Variants in CCAR1 observed in about 807,000 individuals in gnomAD.
The protein encoded by CCAR1 is cell division cycle and apoptosis regulator protein 1.
CCAR1 carries 78 observed loss-of-function variants against 163.8 expected under a neutral mutation model. The ratio of observed to expected loss-of-function variants is 0.48; its 90% CI spans 0.40 to 0.57. The LOEUF (loss-of-function observed/expected upper bound fraction) is 0.57, where lower values mean the gene tolerates loss of function less well. Ranked by LOEUF, CCAR1 falls within the 20% of genes least tolerant of loss-of-function variation. CCAR1 has a pLI of 0.00. For missense variants in CCAR1, 1,019 were observed against 1,365.2 expected (o/e 0.75, Z 4.00); for synonymous variants, 443 against 460.7 (o/e 0.96, Z 0.49).
At chr10:68,754,658 C>T in intron 11 of CCAR1, 56 bp from the exon 12 acceptor site, 2 of 864,148 alleles carry the variant, frequency 2.3e-6, no homozygotes, top group South Asian at 3.0e-5. Flanking sequence ...TAGTGCTTCT[C>T]ATTTTTTCAC....
Position 68,788,294 on chromosome 10 carries a change from A to G in CCAR1, c.3153A>G (p.Val1051=), listed in dbSNP as rs933920538. ...LEKSEKVRAE[V]EQKLQLLEEK... ...AGAGCGAAAAAGTAAGAGCTGAGGTAGAACAGAAGCTGCAGTTACTAGAAG... is the reference window on the plus strand; with the variant it reads ...AGAGCGAAAAAGTAAGAGCTGAGGTGGAACAGAAGCTGCAGTTACTAGAAG... The change falls in exon 23 of 25, where the codon GTA becomes GTG. Residue 1051 remains valine, a synonymous_variant. Transcript: ENST00000265872. 6 of 1,579,526 alleles carry G rather than the reference A, an allele frequency of 3.8e-6. No homozygotes were observed. The African/African-American group carries it at 5.5e-5, about 14-fold the overall frequency.
chr10:68,723,988 GTC>G lies in CCAR1; in HGVS notation c.73+1415_73+1416del, dbSNP rs560627335. On this transcript the variant is annotated intron_variant, in intron 2 of 24. Transcript: ENST00000265872. ...AGCCTGACCAACATGGAGAAACCCTGTCTCTACTAAAAATACAAAACTGGCTG... is the reference window on the plus strand; with the variant it reads ...AGCCTGACCAACATGGAGAAACCCTGTCTACTAAAAATACAAAACTGGCTG... 5.8e-4 allele frequency among the ~76,000 whole-genome samples: 88 copies of G among 151,398 alleles called. 1 individual carries two copies. The East Asian group carries it at 0.016, about 27-fold the overall frequency.
At chr10:68,732,887 C>T (rs193230443) in intron 2 of CCAR1, among the ~76,000 whole-genome samples, 10 of 152,160 alleles carry the variant, frequency 6.6e-5, no homozygotes, top group African/African-American at 2.2e-4. Flanking sequence ...ATTGCACCAC[C>T]GCATTCCAGC....
chr10:68,721,531 C>G (rs985198516), intron 1 of CCAR1: 46 of 446,344 alleles, frequency 1.0e-4, no homozygotes, highest in Non-Finnish European at 1.8e-4. Context: ...GCCCCTCAGC[C>G]TCGGCATGGC....
At position 68,756,122 on chromosome 10, in the gene CCAR1, GA is replaced by G; in HGVS notation, c.1626-150del. On this transcript the variant is annotated intron_variant, in intron 13 of 24. Transcript: ENST00000265872. This position sits in a 1 kb window ranked among gnomAD's most constrained non-coding sequence, Gnocchi z 5.1. ...TAAATATTGTACAAATGTACCAAAA[GA>G]GGAACTATGGCTTCTATAATTTTTT... 1.7e-6 allele frequency: 1 copy of G among 602,622 alleles called. No individual in the cohort carries two copies. Among genetic ancestry groups the G allele is most frequent in the Non-Finnish European group, 3.0e-6 (1 of 338,582 alleles). The allele number at this position is 602,622 out of a possible 1,614,324, so 37.3% of individuals were successfully genotyped here.
intron 3 of CCAR1, among the ~76,000 whole-genome samples, chr10:68,737,423 G>A (rs1164293302): frequency 6.6e-6 from 1 of 150,498 alleles, no homozygotes; most frequent in Non-Finnish European, 1.5e-5. Context: ...GATTGCTTGA[G>A]CATTGGGAGG....
intron 19 of CCAR1, among the ~76,000 whole-genome samples, chr10:68,784,388 G>A (rs2056771871): frequency 6.6e-6 from 1 of 151,794 alleles, no homozygotes; most frequent in African/African-American, 2.4e-5. Context: ...ACTTATTTTT[G>A]TGTTTTTAGA....
chr10:68,728,462 A>G (rs1462619151), intron 2 of CCAR1, among the ~76,000 whole-genome samples: 4 of 152,120 alleles, frequency 2.6e-5, no homozygotes, highest in South Asian at 4.2e-4. Context: ...CACTCAGCCT[A>G]TGAATGGTGT....
chr10:68,758,519 TGTG>T (rs2056423912), intron 15 of CCAR1, among the ~76,000 whole-genome samples: 2 of 149,846 alleles, frequency 1.3e-5, no homozygotes, highest in Non-Finnish European at 3.0e-5. Context: ...TGTGTGTGTG[TGTG>T]TGTGTGTGTG....
Position 68,737,843 on chromosome 10 carries a change from A to G in CCAR1, c.247-2A>G. On this transcript the variant is annotated splice_acceptor_variant, in intron 3 of 24. Transcript: ENST00000265872. LOFTEE classifies it high-confidence loss of function. ...TTGAAAAATTTTTTTTTAATCTTTCAGCAATATTCACAACCTCAGCAGGCC... is the reference window on the plus strand; with the variant it reads ...TTGAAAAATTTTTTTTTAATCTTTCGGCAATATTCACAACCTCAGCAGGCC... The G allele has an allele frequency of 6.3e-7, 1 of 1,581,812 alleles. No individual in the cohort carries two copies. The highest frequency in any genetic ancestry group is 8.6e-7 in the Non-Finnish European group (1 of 1,166,366).
chr10:68,771,248 G>A lies in CCAR1; in HGVS notation c.2341G>A (p.Asp781Asn). ...ACTTTTCAACGAAATGCTTCAAAGA[G>A]ATTTTGGTGTCCGTATATACAAATC... ...AELFNEMLQR[D>N]FGVRIYKSLL... is the part of the protein sequence containing the mutation. The change falls in exon 18 of 25, where the codon GAT becomes AAT. Residue 781 changes from aspartate (D) to asparagine (N), a missense_variant. Asp to Asn is a conservative substitution (Grantham distance 23). Coordinates refer to ENST00000265872, the MANE Select transcript of CCAR1 (RefSeq NM_018237.4). The A allele has an allele frequency of 6.3e-7, 1 of 1,596,834 alleles. No individual in the cohort carries two copies. The highest frequency in any genetic ancestry group is 8.5e-7 in the Non-Finnish European group (1 of 1,175,328).
intron 21 of CCAR1, among the ~76,000 whole-genome samples, chr10:68,787,428 T>C (rs993968173): frequency 3.3e-5 from 5 of 152,222 alleles, no homozygotes; most frequent in Non-Finnish European, 7.3e-5. Flanking sequence ...CCAACTATGC[T>C]GTAATAAATC....
At chr10:68,786,519 A>G (rs373457341) in intron 20 of CCAR1, 27 bp from the exon 21 acceptor site, 33 of 1,522,260 alleles carry the variant, frequency 2.2e-5, no homozygotes, top group Non-Finnish European at 1.9e-5. Context: ...TTTGAATACT[A>G]TGTTTTCTAC....
At chr10:68,781,708 G>C (rs751841119) in intron 19 of CCAR1, among the ~76,000 whole-genome samples, 5 of 151,956 alleles carry the variant, frequency 3.3e-5, no homozygotes, top group Admixed American at 1.3e-4. Context: ...AAATAAAATT[G>C]GTGTGGTTAC....
intron 2 of CCAR1, among the ~76,000 whole-genome samples, chr10:68,725,103 T>C (rs927981592): frequency 6.6e-6 from 1 of 152,006 alleles, no homozygotes; most frequent in Non-Finnish European, 1.5e-5. Context: ...GATTGCGCCA[T>C]TGCGCTCTAG....
At chr10:68,769,732 G>A (rs1259167881) in intron 17 of CCAR1, among the ~76,000 whole-genome samples, 1 of 151,568 alleles carries the variant, frequency 6.6e-6, no homozygotes, top group African/African-American at 2.4e-5. Flanking sequence ...ATGAGGCCAG[G>A]AGATCGAGAC....
chr10:68,786,706 T>G lies in CCAR1; in HGVS notation c.2880+14T>G, dbSNP rs1242289754. The G allele has an allele frequency of 6.3e-7, 1 of 1,575,252 alleles. No individual in the cohort carries two copies. The highest frequency in any genetic ancestry group is 8.6e-7 in the Non-Finnish European group (1 of 1,165,472). ...TCTCGGGCTCAGGTAATCTATCTTG[T>G]GAATATTTAAAAGGAAAACATTTTT... is the stretch of plus-strand genomic sequence containing the variant. On this transcript the variant is annotated intron_variant, in intron 21 of 24. Transcript: ENST00000265872.
chr10:68,721,861 G>T (rs1231589465), intron 1 of CCAR1, among the ~76,000 whole-genome samples: 2 of 152,172 alleles, frequency 1.3e-5, no homozygotes, highest in African/African-American at 4.8e-5. Context: ...GTTTATCTTG[G>T]GGGGAGGGGT....
In CCAR1 at chr10:68,786,601, T is replaced by C; in HGVS notation, c.2789T>C (p.Val930Ala). The change falls in exon 21 of 25, where the codon GTT (valine) becomes GCT (alanine). Residue 930 changes from valine to alanine, a missense_variant. Around this residue, in one of 4 missense-constraint regions of CCAR1, gnomAD observed 358 missense variants for 406.4 expected, o/e 0.88. Coordinates refer to ENST00000265872, the MANE Select transcript of CCAR1 (RefSeq NM_018237.4). ...TINRDLLMAFVYFDQSHCGYL... is the reference protein window; with the variant it reads ...TINRDLLMAFAYFDQSHCGYL... ...AACAGAGATCTGTTAATGGCTTTTG[T>C]TTATTTTGATCAAAGTCATTGTGGT... 1.9e-6 allele frequency: 3 copies of C among 1,602,724 alleles called. No homozygotes were observed. Among genetic ancestry groups the C allele is most frequent in the Non-Finnish European group, 2.6e-6 (3 of 1,174,554 alleles).
Sources: gnomAD v4.1 joint callset for allele counts (sites outside exome capture counted in the v4.1 genomes callset) on GRCh38, gnomAD v4.1.1 for gene constraint, gnomAD v4.1.1 regional missense constraint, Gnocchi (gnomAD v3.1) non-coding constraint, MANE v1.5 for transcripts, NCBI Gene and HGNC (gene_info 2026-07-23, HGNC 2026-07-21) for gene names.